The following MGAT4C variants were observed in gnomAD, a reference collection of about 807,000 sequenced individuals.
MGAT4C encodes alpha-1,3-mannosyl-glycoprotein 4-beta-N-acetylglucosaminyltransferase C.
MGAT4C carries 19 observed loss-of-function variants against 40.1 expected under a neutral mutation model. That is an observed-to-expected ratio of 0.47 (90% CI 0.33 to 0.70). The LOEUF is 0.70. Among genes scored for constraint, MGAT4C ranks in the 30% least tolerant of loss-of-function variants. The pLI is 0.02. For synonymous variants in MGAT4C, 181 were observed against 187.1 expected (o/e 0.97, Z 0.27); for missense variants, 491 against 563.2 (o/e 0.87, Z 1.30).
intron 1 of MGAT4C, among the ~76,000 whole-genome samples, chr12:86,833,595 C>T (rs1484290884): frequency 3.3e-5 from 5 of 151,796 alleles, no homozygotes. Context: ...GATACCAGTC[C>T]TATTGGATGA....
At chr12:86,442,486 T>C (rs1957251110) in intron 2 of MGAT4C, among the ~76,000 whole-genome samples, 1 of 152,280 alleles carries the variant, frequency 6.6e-6, no homozygotes, top group Admixed American at 6.5e-5. Context: ...AGGTCTAACA[T>C]TTAAGTGTTT....
chr12:86,190,165 A>G (rs988510042), intron 1 of MGAT4C, among the ~76,000 whole-genome samples: 1 of 152,090 alleles, frequency 6.6e-6, no homozygotes, highest in African/African-American at 2.4e-5. Flanking sequence ...AAGGAAATGG[A>G]AAAGTCCTAA....
rs1424302153 is a variant in MGAT4C, at chr12:86,741,577, A to G, written c.-261-14336T>C. 3.3e-4 allele frequency among the ~76,000 whole-genome samples: 50 copies of G among 151,424 alleles called. No homozygotes were observed. In the Admixed American group the frequency reaches 3.3e-3, roughly 10 times the overall value. Reference sequence around the variant, plus strand: ...AAGTAATGCTTGAAAATTGTTTTATATAATTGTCAAGAAGCAAAATAAAAT... The same window carrying G: ...AAGTAATGCTTGAAAATTGTTTTATGTAATTGTCAAGAAGCAAAATAAAAT... On this transcript the variant is annotated intron_variant, in intron 1 of 7. Coordinates refer to the MGAT4C transcript ENST00000548651.
intron 4 of MGAT4C, among the ~76,000 whole-genome samples, chr12:86,275,838 A>G (rs1337626549): frequency 6.7e-6 from 1 of 150,148 alleles, no homozygotes; most frequent in African/African-American, 2.5e-5. Context: ...GCGGTGGCTC[A>G]CGCCTGTAAT....
chr12:86,303,582 T>A (rs762171241), intron 4 of MGAT4C, among the ~76,000 whole-genome samples: 1 of 149,568 alleles, frequency 6.7e-6, no homozygotes, highest in Non-Finnish European at 1.5e-5. Context: ...ATAAAACTAC[T>A]GCAATCCAGA....
chr12:86,535,349 A>C (rs929767773), intron 2 of MGAT4C, among the ~76,000 whole-genome samples: 1 of 152,044 alleles, frequency 6.6e-6, no homozygotes, highest in Admixed American at 6.6e-5. Flanking sequence ...TTTGTCTACA[A>C]TTTTTTAAAT....
intron 2 of MGAT4C, among the ~76,000 whole-genome samples, chr12:86,698,652 T>C (rs1461069414): frequency 6.6e-6 from 1 of 152,006 alleles, no homozygotes; most frequent in Admixed American, 6.6e-5. Context: ...ATGAAACTCA[T>C]GTCATAAGTA....
chr12:86,791,211 CT>C (rs763250226), intron 1 of MGAT4C, among the ~76,000 whole-genome samples: 26 of 152,202 alleles, frequency 1.7e-4, no homozygotes, highest in South Asian at 4.1e-4. Context: ...GCCAAAAATT[CT>C]CTCTGAAAAG....
At chr12:86,163,112 A>T (rs1317392136) in intron 1 of MGAT4C, among the ~76,000 whole-genome samples, 7 of 152,134 alleles carry the variant, frequency 4.6e-5, no homozygotes, top group African/African-American at 1.7e-4. Context: ...CGCTACAGTC[A>T]GTACCTAAAT....
intron 2 of MGAT4C, among the ~76,000 whole-genome samples, chr12:86,650,848 G>C (rs1017524777): frequency 1.3e-5 from 2 of 151,898 alleles, no homozygotes; most frequent in African/African-American, 4.8e-5. Flanking sequence ...AGGGGCTTCA[G>C]AAAAGCACTG....
chr12:86,454,294 C>T (rs1000561106), intron 2 of MGAT4C, among the ~76,000 whole-genome samples: 1 of 151,994 alleles, frequency 6.6e-6, no homozygotes, highest in Non-Finnish European at 1.5e-5. Context: ...GTGGCATGAT[C>T]ACCACTCACT....
chr12:86,517,006 A>T (rs1343282328), intron 2 of MGAT4C, among the ~76,000 whole-genome samples: 1 of 152,184 alleles, frequency 6.6e-6, no homozygotes, highest in Non-Finnish European at 1.5e-5. Context: ...ACCATTTCAC[A>T]CCTACGAGGA....
intron 1 of MGAT4C, among the ~76,000 whole-genome samples, chr12:86,816,142 G>A (rs540962703): frequency 1.3e-5 from 2 of 151,990 alleles, no homozygotes; most frequent in South Asian, 4.1e-4. Flanking sequence ...TTTTAAGATT[G>A]TATGATGAAA....
At chr12:86,300,525 A>C (rs1177722514) in intron 4 of MGAT4C, among the ~76,000 whole-genome samples, 4 of 152,162 alleles carry the variant, frequency 2.6e-5, no homozygotes, top group Non-Finnish European at 5.9e-5. Context: ...CAAAAAACAA[A>C]AAACAGAGAA....
chr12:86,584,622 C>T (rs985400805), intron 2 of MGAT4C, among the ~76,000 whole-genome samples: 1 of 151,226 alleles, frequency 6.6e-6, no homozygotes, highest in African/African-American at 2.4e-5. Flanking sequence ...GATTAAACTT[C>T]AATTTCTATT....
chr12:86,603,535 T>A (rs1346723676), intron 2 of MGAT4C, among the ~76,000 whole-genome samples: 1 of 3,670 alleles, frequency 2.7e-4, no homozygotes, highest in Non-Finnish European at 2.0e-3. Context: ...CTATATATAG[T>A]CTATAGACTA....
At chr12:86,802,096 A>G (rs1348750608) in intron 1 of MGAT4C, among the ~76,000 whole-genome samples, 1 of 151,990 alleles carries the variant, frequency 6.6e-6, no homozygotes, top group African/African-American at 2.4e-5. Context: ...TCTCTAAAGT[A>G]TAATTGACAC....
chr12:86,555,166 A>G (rs1011035709), intron 2 of MGAT4C, among the ~76,000 whole-genome samples: 2 of 151,664 alleles, frequency 1.3e-5, no homozygotes, highest in Admixed American at 1.3e-4. Context: ...TAATTTTATG[A>G]TCTCTGCAAA....
At chr12:86,243,371 G>A (rs1951866761) in intron 1 of MGAT4C, among the ~76,000 whole-genome samples, 1 of 152,180 alleles carries the variant, frequency 6.6e-6, no homozygotes, top group African/African-American at 2.4e-5. Flanking sequence ...GTTCCCTGTG[G>A]TAGACACACC....
Sources: allele counts gnomAD v4.1 joint callset (sites outside exome capture counted in the v4.1 genomes callset), GRCh38; gene constraint gnomAD v4.1.1; transcripts MANE v1.5; gene names NCBI Gene and HGNC (gene_info 2026-07-23, HGNC 2026-07-21).